Variants in ATF7 observed in about 807,000 individuals in gnomAD.
ATF7 encodes the protein cyclic AMP-dependent transcription factor ATF-7.
Under a neutral mutation model 50.4 loss-of-function variants are expected in ATF7, and 10 were observed. That is an observed-to-expected ratio of 0.20 (90% confidence interval 0.12 to 0.34). The LOEUF is 0.34. ATF7 is among the 10% of genes least tolerant of loss of function. The pLI is 1.00. For missense variants in ATF7, 465 were observed against 613.9 expected (o/e 0.76, Z 2.56); for synonymous variants, 201 against 226.4 (o/e 0.89, Z 1.01).
chr12:53,597,099 T>A (rs999336734), intron 2 of ATF7, among the ~76,000 whole-genome samples: 1 of 151,992 alleles, frequency 6.6e-6, no homozygotes, highest in East Asian at 1.9e-4. Flanking sequence ...CAAAAAAATC[T>A]CAACAGGAGA....
Position 53,534,678 on chromosome 12 carries a change from C to A in ATF7, c.403-19G>T, listed in dbSNP as rs754518298. 6.2e-7 allele frequency: 1 copy of A among 1,606,710 alleles called. No homozygotes were observed. Among genetic ancestry groups the A allele is most frequent in the East Asian group, 2.2e-5 (1 of 44,810 alleles). ...TAACCTCCTGGAGAAAAGAAACCAA[C>A]AGATCACAAAATGTTTTAAGGTGTG... On this transcript the variant is annotated intron_variant, in intron 5 of 11. Coordinates refer to ENST00000420353, the MANE Select transcript of ATF7 (RefSeq NM_006856.3).
At chr12:53,528,870 A>G (rs1938667666) in intron 9 of ATF7, among the ~76,000 whole-genome samples, 1 of 152,194 alleles carries the variant, frequency 6.6e-6, no homozygotes, top group Non-Finnish European at 1.5e-5. Flanking sequence ...TCAGTAAGTC[A>G]TGCAGGGAAT....
chr12:53,616,679 A>G (rs1944132985), intron 1 of ATF7, among the ~76,000 whole-genome samples: 2 of 152,056 alleles, frequency 1.3e-5, no homozygotes, highest in Admixed American at 1.3e-4. Context: ...GCGGTGGCTC[A>G]TTCCTGTAAT....
In ATF7 at chr12:53,587,820, C is replaced by CATATATATATATATAT. The variant is rs1242121330; in HGVS notation, c.48+13117_48+13132dup. ...TTTTGATCCTCTATGTATACTTCTA[C>CATATATATATATATAT]ATATATATATATATATATATATATT... is the stretch of plus-strand genomic sequence containing the variant. On this transcript the variant is annotated intron_variant, in intron 2 of 11. Coordinates refer to ENST00000420353, the MANE Select transcript of ATF7 (RefSeq NM_006856.3). Among the ~76,000 whole-genome samples the CATATATATATATATAT allele has an allele frequency of 1.6e-3, 110 of 66,986 alleles. 1 individual carries two copies. The highest frequency in any genetic ancestry group is 9.8e-3 in the Middle Eastern group (1 of 102). The allele number at this position is 66,986 out of a possible 152,430, so 43.9% of individuals were successfully genotyped here.
At chr12:53,523,068 C>A in intron 11 of ATF7, 1 of 482,982 alleles carries the variant, frequency 2.1e-6, no homozygotes, top group Non-Finnish European at 3.7e-6. Flanking sequence ...TGCTACCCTT[C>A]AACCCCCAAC....
At chr12:53,537,154 C>T (rs1466783720) in intron 5 of ATF7, among the ~76,000 whole-genome samples, 2 of 151,678 alleles carry the variant, frequency 1.3e-5, no homozygotes, top group African/African-American at 4.8e-5. Context: ...ACTGCAGCCT[C>T]GACCTCTAGG....
At chr12:53,596,152 T>C (rs1429876238) in intron 2 of ATF7, among the ~76,000 whole-genome samples, 1 of 151,934 alleles carries the variant, frequency 6.6e-6, no homozygotes, top group Non-Finnish European at 1.5e-5. Flanking sequence ...ACAAAAAAAT[T>C]AGCCGGGAGT....
At chr12:53,565,341 T>G (rs1287966354) in intron 2 of ATF7, among the ~76,000 whole-genome samples, 1 of 152,018 alleles carries the variant, frequency 6.6e-6, no homozygotes, top group Non-Finnish European at 1.5e-5. Flanking sequence ...TTGATGGGAT[T>G]GAGAAATACA....
intron 2 of ATF7, among the ~76,000 whole-genome samples, chr12:53,580,329 T>C (rs927843394): frequency 6.7e-6 from 1 of 148,796 alleles, no homozygotes; most frequent in Admixed American, 6.7e-5. Flanking sequence ...GTATGTTGTA[T>C]ATGAGAAAAC....
chr12:53,608,813 T>C (rs1943723184), intron 1 of ATF7, among the ~76,000 whole-genome samples: 1 of 152,208 alleles, frequency 6.6e-6, no homozygotes, highest in Non-Finnish European at 1.5e-5. Context: ...ATACGAGATC[T>C]TCGCCACAGC....
At chr12:53,566,734 GAC>G (rs1008861482) in intron 2 of ATF7, among the ~76,000 whole-genome samples, 7 of 151,592 alleles carry the variant, frequency 4.6e-5, no homozygotes, top group Non-Finnish European at 7.4e-5. Flanking sequence ...TATAAATGTT[GAC>G]ACAGTTTTTT....
rs1306994461 is a variant in ATF7 at position 53,517,256 on chromosome 12, C to T, written c.1333G>A (p.Ala445Thr). Residue 445 changes from alanine to threonine, a missense_variant, in exon 12 of 12, where the codon GCA becomes ACA. Coordinates refer to ENST00000420353, the MANE Select transcript of ATF7 (RefSeq NM_006856.3). ...ACCGAGGTGGCCACAGCTTCAGCTG[C>T]AGAGCGAACACTGAGGCCATTGCTA... ...APSNGLSVRS[A>T]AEAVATSVLT... 6.2e-7 allele frequency: 1 copy of T among 1,614,056 alleles called. No individual in the cohort carries two copies. The highest frequency in any genetic ancestry group is 2.2e-5 in the East Asian group (1 of 44,884).
intron 1 of ATF7, among the ~76,000 whole-genome samples, chr12:53,619,921 G>A (rs1008949836): frequency 6.6e-6 from 1 of 152,130 alleles, no homozygotes; most frequent in Admixed American, 6.5e-5. Context: ...TAAGGCAGGA[G>A]GACTGTTTGA....
intron 2 of ATF7, among the ~76,000 whole-genome samples, chr12:53,588,542 TACATGGC>T (rs776616792): frequency 1.4e-4 from 22 of 152,142 alleles, no homozygotes; most frequent in Non-Finnish European, 2.8e-4. Context: ...CCCCAATTAC[TACATGGC>T]ACTAGTCAAA....
chr12:53,548,405 C>G (rs1321888775), intron 3 of ATF7, among the ~76,000 whole-genome samples: 1 of 152,142 alleles, frequency 6.6e-6, no homozygotes, highest in Non-Finnish European at 1.5e-5. Flanking sequence ...GATCATAGCT[C>G]ACTGTAACCT....
Position 53,537,658 on chromosome 12 carries a change from G to A in ATF7, c.265-106C>T, listed in dbSNP as rs1307413464. ...AGGGAATATGCTTCTAAGAAGTTCT[G>A]CTCTTATACAATGCACTGAACTGCA... On this transcript the variant is annotated intron_variant, in intron 4 of 11. Transcript: ENST00000420353. 6 of 1,331,484 alleles carry A rather than the reference G, an allele frequency of 4.5e-6. No homozygotes were observed. The African/African-American group carries it at 5.9e-5, about 13-fold the overall frequency. 82.5% of individuals were successfully genotyped at this position (1,331,484 alleles called of 1,614,324 possible). A position where few individuals can be genotyped will look rare whatever the true frequency, so the allele number is the denominator to read the frequency against.
intron 2 of ATF7, among the ~76,000 whole-genome samples, chr12:53,587,843 A>AT (rs201692852): frequency 0.022 from 1,346 of 61,530 alleles, 68 homozygotes; most frequent in African/African-American, 0.063. Context: ...ATATATATAT[A>AT]TTTTTTTTTT....
chr12:53,594,264 C>A (rs936313417), intron 2 of ATF7, among the ~76,000 whole-genome samples: 4 of 152,052 alleles, frequency 2.6e-5, no homozygotes, highest in Non-Finnish European at 5.9e-5. Flanking sequence ...TTTTTTCTAA[C>A]AGGAATGCTC....
At chr12:53,602,688 C>A (rs535053175) in intron 1 of ATF7, among the ~76,000 whole-genome samples, 16 of 152,256 alleles carry the variant, frequency 1.1e-4, no homozygotes, top group South Asian at 8.3e-4. Flanking sequence ...TCAATAAATT[C>A]TGTTCCTAGG....
Sources: gnomAD v4.1 joint callset for allele counts (sites outside exome capture counted in the v4.1 genomes callset) on GRCh38, gnomAD v4.1.1 for gene constraint, MANE v1.5 for transcripts, NCBI Gene and HGNC (gene_info 2026-07-23, HGNC 2026-07-21) for gene names.